The following ST3GAL6 variants were observed in gnomAD, a reference collection of about 807,000 sequenced individuals.
ST3GAL6 encodes ST3 beta-galactoside alpha-2,3-sialyltransferase 6, also known as type 2 lactosamine alpha-2,3-sialyltransferase.
Under a neutral mutation model 40.5 loss-of-function variants are expected in ST3GAL6, and 31 were observed. The observed-to-expected ratio is 0.77, with a 90% CI of 0.58 to 1.03. The LOEUF is 1.03. Among genes scored for constraint, ST3GAL6 ranks in the 50% least tolerant of loss-of-function variants. ST3GAL6 has a pLI of 0.00. For synonymous variants in ST3GAL6, 129 were observed against 136.9 expected, an observed-to-expected ratio of 0.94 and a Z score of 0.40; for missense variants, 357 against 393.2, an observed-to-expected ratio of 0.91 and a Z score of 0.78.
intron 9 of ST3GAL6, 130 bp downstream of exon 9, chr3:98,792,123 G>A: frequency 1.2e-6 from 1 of 818,900 alleles, no homozygotes; most frequent in Non-Finnish European, 1.8e-6. Context: ...GGGCTTGATG[G>A]TGATTACAGG....
rs78380897 is a variant in ST3GAL6 at position 98,746,987 on chromosome 3, C to T, written c.-12+14455C>T. Among the ~76,000 whole-genome samples the T allele has an allele frequency of 9.2e-5, 14 of 152,280 alleles. No homozygotes were observed. In the East Asian group the frequency reaches 2.3e-3, roughly 25 times the overall value. ...CCACTTCAAGACTAAAGACCAGGCT[C>T]GTTCATGCTCTGTTTAATAGTCCCC... On this transcript the variant is annotated intron_variant, in intron 1 of 9. Transcript: ENST00000265261.
intron 1 of ST3GAL6, among the ~76,000 whole-genome samples, chr3:98,757,928 C>T (rs1047500417): frequency 2.6e-5 from 4 of 151,930 alleles, no homozygotes; most frequent in African/African-American, 7.2e-5. Flanking sequence ...CTCTGCCTCC[C>T]GGGTTCAAGC....
At chr3:98,733,118 T>C (rs1419226754) in intron 1 of ST3GAL6, 3 of 1,315,576 alleles carry the variant, frequency 2.3e-6, no homozygotes, top group Non-Finnish European at 2.9e-6. Context: ...AGGCTCAGGG[T>C]TGGGGGTGGG....
In ST3GAL6 at chr3:98,788,364, G is replaced by T; in HGVS notation, c.657G>T (p.Leu219=). Residue 219 remains leucine, a synonymous_variant, in exon 8 of 10, where the codon CTG becomes CTT. Transcript: ENST00000483910. ...TTTGGAAGAAACCAGCCTTAAACCT[G>T]ATTTATAAACCTTATCAAATCCGAA... The part of the protein sequence containing the change: ...NGFWKKPALN[L]IYKPYQIRIL... 1 of 1,612,748 alleles carries T rather than the reference G, an allele frequency of 6.2e-7. No homozygotes were observed. Among genetic ancestry groups the T allele is most frequent in the East Asian group, 2.2e-5 (1 of 44,846 alleles).
At chr3:98,733,407 G>A in intron 1 of ST3GAL6, 2 of 1,019,000 alleles carry the variant, frequency 2.0e-6, no homozygotes, top group East Asian at 8.9e-5. Context: ...GAAGCCAAGA[G>A]GAGTGTCCAG....
chr3:98,734,864 T>C (rs1354987744), intron 1 of ST3GAL6, among the ~76,000 whole-genome samples: 1 of 152,208 alleles, frequency 6.6e-6, no homozygotes, highest in Non-Finnish European at 1.5e-5. Context: ...GAGACATTTC[T>C]GTGTTCCACA....
chr3:98,754,121 T>C (rs978238679), intron 1 of ST3GAL6, among the ~76,000 whole-genome samples: 14 of 152,148 alleles, frequency 9.2e-5, no homozygotes, highest in Non-Finnish European at 1.8e-4. Flanking sequence ...TGTCTAGGGG[T>C]CACATAGATA....
chr3:98,734,430 A>G (rs1935346681), intron 1 of ST3GAL6, among the ~76,000 whole-genome samples: 1 of 152,184 alleles, frequency 6.6e-6, no homozygotes, highest in South Asian at 2.1e-4. Context: ...TGCTTATAAG[A>G]AGATAATTTT....
chr3:98,787,745 C>T (rs1387903427), intron 6 of ST3GAL6, among the ~76,000 whole-genome samples: 1 of 152,192 alleles, frequency 6.6e-6, no homozygotes. Context: ...TGTGTTCCCA[C>T]TTTTTTAAAT....
intron 1 of ST3GAL6, among the ~76,000 whole-genome samples, chr3:98,757,131 A>G (rs186801251): frequency 1.5e-3 from 227 of 152,338 alleles, no homozygotes; most frequent in African/African-American, 5.3e-3. Context: ...TCAGATGTCT[A>G]CCAGGAATGA....
chr3:98,792,119 G>A, intron 9 of ST3GAL6, 126 bp downstream of exon 9: 1 of 895,094 alleles, frequency 1.1e-6, no homozygotes, highest in Non-Finnish European at 1.6e-6. Flanking sequence ...TTGAGGGCTT[G>A]ATGGTGATTA....
At chr3:98,759,024 GCAAA>G (rs1937569541), upstream of ST3GAL6, among the ~76,000 whole-genome samples, 1 of 152,186 alleles carries the variant, frequency 6.6e-6, no homozygotes, top group Non-Finnish European at 1.5e-5. Context: ...TGATTGTCAA[GCAAA>G]CAATCTTAAC....
chr3:98,733,161 C>G, intron 1 of ST3GAL6: 1 of 1,217,102 alleles, frequency 8.2e-7, no homozygotes, highest in Non-Finnish European at 1.1e-6. Context: ...TCCACATATC[C>G]TGCCAGCACC....
At chr3:98,780,435 C>T (rs528556314) in intron 5 of ST3GAL6, among the ~76,000 whole-genome samples, 2 of 152,144 alleles carry the variant, frequency 1.3e-5, no homozygotes, top group African/African-American at 4.8e-5. Flanking sequence ...ATAGTAAAGG[C>T]CCTTCTCTCT....
At chr3:98,735,967 CGTATAA>C (rs1296257485) in intron 1 of ST3GAL6, among the ~76,000 whole-genome samples, 1 of 152,000 alleles carries the variant, frequency 6.6e-6, no homozygotes, top group Non-Finnish European at 1.5e-5. Context: ...ACTTGACTGT[CGTATAA>C]TCAGGCTAAG....
At chr3:98,753,626 G>A (rs1330725782) in intron 1 of ST3GAL6, among the ~76,000 whole-genome samples, 10 of 152,190 alleles carry the variant, frequency 6.6e-5, no homozygotes. Context: ...TTAAGTTGAA[G>A]CCAGTACTCA....
intron 1 of ST3GAL6, among the ~76,000 whole-genome samples, chr3:98,734,510 C>T (rs955119918): frequency 3.3e-5 from 5 of 152,154 alleles, no homozygotes; most frequent in Middle Eastern, 3.2e-3. Context: ...GAGGGGAGAT[C>T]TTCATTCCTT....
intron 1 of ST3GAL6, among the ~76,000 whole-genome samples, chr3:98,746,304 T>A (rs1182962773): frequency 1.3e-5 from 2 of 152,178 alleles, no homozygotes; most frequent in Non-Finnish European, 2.9e-5. Flanking sequence ...GGCTATGGAA[T>A]GTACTAAAAT....
intron 5 of ST3GAL6, chr3:98,783,020 C>T (rs1940315326): frequency 2.4e-5 from 7 of 294,712 alleles, no homozygotes; most frequent in South Asian, 2.2e-4. Context: ...GTTTGTAAAG[C>T]TGCGGGGACC....
Sources: allele counts gnomAD v4.1 joint callset (sites outside exome capture counted in the v4.1 genomes callset), GRCh38; gene constraint gnomAD v4.1.1; transcripts MANE v1.5; gene names NCBI Gene and HGNC (gene_info 2026-07-23, HGNC 2026-07-21).